Variants in GMPR observed in about 807,000 individuals in gnomAD.
GMPR encodes GMP reductase 1.
A neutral mutation model predicts 38.4 loss-of-function variants in GMPR; 31 were observed. The ratio of observed to expected loss-of-function variants is 0.81; its 90% confidence interval spans 0.61 to 1.09. The LOEUF is 1.09. GMPR is among the 50% of genes least tolerant of loss of function. The pLI is 0.00. For synonymous variants in GMPR, 162 were observed against 173.3 expected (o/e 0.93, Z 0.51); for missense variants, 468 against 453.7 (o/e 1.03, Z -0.29).
chr6:16,271,020 C>T (rs940671492), intron 4 of GMPR, among the ~76,000 whole-genome samples: 1 of 152,084 alleles, frequency 6.6e-6, no homozygotes, highest in Non-Finnish European at 1.5e-5. Flanking sequence ...GGCCCTATCT[C>T]TGCTTTAAAA....
chr6:16,288,319 G>A (rs1003410245), intron 7 of GMPR, among the ~76,000 whole-genome samples: 3 of 152,244 alleles, frequency 2.0e-5, no homozygotes, highest in Non-Finnish European at 4.4e-5. Context: ...GTTCCGGGTG[G>A]GTGTGGGCTT....
At chr6:16,285,254 A>AC (rs1318249641) in intron 6 of GMPR, among the ~76,000 whole-genome samples, 2 of 152,236 alleles carry the variant, frequency 1.3e-5, no homozygotes, top group Non-Finnish European at 2.9e-5. Context: ...GTAACTTTGT[A>AC]CCATACATGA....
intron 4 of GMPR, among the ~76,000 whole-genome samples, chr6:16,261,187 T>C (rs951399389): frequency 6.6e-6 from 1 of 151,974 alleles, no homozygotes; most frequent in African/African-American, 2.4e-5. Flanking sequence ...GCACTAACCA[T>C]GCCTAGGAAG....
At chr6:16,284,849 G>A (rs532328090) in intron 6 of GMPR, among the ~76,000 whole-genome samples, 5 of 151,810 alleles carry the variant, frequency 3.3e-5, no homozygotes, top group East Asian at 1.9e-4. Flanking sequence ...GCGAAATCCC[G>A]TCTCTACTAA....
At chr6:16,265,289 G>A (rs1009008471) in intron 4 of GMPR, among the ~76,000 whole-genome samples, 5 of 152,148 alleles carry the variant, frequency 3.3e-5, no homozygotes, top group Non-Finnish European at 7.4e-5. Flanking sequence ...TTGAGTAGAG[G>A]TAATAGCACC....
At chr6:16,261,461 A>T (rs542304532) in intron 4 of GMPR, among the ~76,000 whole-genome samples, 1 of 152,082 alleles carries the variant, frequency 6.6e-6, no homozygotes, top group South Asian at 2.1e-4. Context: ...AAGGAATAGT[A>T]AAGAAAGCAT....
At chr6:16,243,547 C>G (rs1758693595) in intron 1 of GMPR, among the ~76,000 whole-genome samples, 1 of 152,190 alleles carries the variant, frequency 6.6e-6, no homozygotes, top group Non-Finnish European at 1.5e-5. Context: ...GCCACTAGGA[C>G]TACAAAGTTG....
intron 2 of GMPR, among the ~76,000 whole-genome samples, chr6:16,249,249 C>T (rs761336694): frequency 4.0e-5 from 6 of 150,536 alleles, no homozygotes; most frequent in Non-Finnish European, 5.9e-5. Flanking sequence ...CTTGGCTCAC[C>T]GCAACCTCCA....
In GMPR at chr6:16,285,827, A is replaced by G; in HGVS notation, c.689A>G (p.Lys230Arg). ...TGTACGTGTCCAGGGGATGTCGCCA[A>G]AGCCTTTGGTAAGGCCGGGCCCTGG... is the stretch of plus-strand genomic sequence containing the variant. ...GGCTCPGDVAKAFGAGADFVM... is the reference protein window; with the variant it reads ...GGCTCPGDVARAFGAGADFVM... The change falls in exon 7 of 9, where the codon AAA becomes AGA. Residue 230 changes from lysine (K) to arginine (R), a missense_variant. Transcript: ENST00000259727. 1 of 1,612,286 alleles carries G rather than the reference A, an allele frequency of 6.2e-7. No individual in the cohort carries two copies. Among genetic ancestry groups the G allele is most frequent in the South Asian group, 1.1e-5 (1 of 90,676 alleles).
chr6:16,275,767 A>G (rs1759460836), intron 5 of GMPR, among the ~76,000 whole-genome samples: 1 of 152,202 alleles, frequency 6.6e-6, no homozygotes, highest in African/African-American at 2.4e-5. Flanking sequence ...CTGTTTAATC[A>G]GAAATATGGG....
chr6:16,288,159 TGAG>T (rs1246780974), intron 7 of GMPR, among the ~76,000 whole-genome samples: 1 of 152,226 alleles, frequency 6.6e-6, no homozygotes, highest in African/African-American at 2.4e-5. Context: ...TGGCAGCACT[TGAG>T]GAGCCCTTCA....
intron 3 of GMPR, among the ~76,000 whole-genome samples, chr6:16,252,239 C>G (rs567905628): frequency 6.6e-6 from 1 of 152,016 alleles, no homozygotes; most frequent in African/African-American, 2.4e-5. Flanking sequence ...TTGTCTTTTT[C>G]TCAGACCTCC....
At chr6:16,252,260 T>C (rs1158616739) in intron 3 of GMPR, among the ~76,000 whole-genome samples, 1 of 152,158 alleles carries the variant, frequency 6.6e-6, no homozygotes, top group African/African-American at 2.4e-5. Context: ...CTCTAACTTC[T>C]TTTATTTTTT....
At chr6:16,250,406 G>T in intron 3 of GMPR, 39 bp downstream of exon 3, 2 of 1,137,240 alleles carry the variant, frequency 1.8e-6, no homozygotes, top group Non-Finnish European at 2.7e-6. Flanking sequence ...CAGTGCTGCA[G>T]GGGGGAACAA....
chr6:16,249,306 G>A (rs1484950337), intron 2 of GMPR, among the ~76,000 whole-genome samples: 2 of 151,574 alleles, frequency 1.3e-5, no homozygotes, highest in African/African-American at 2.4e-5. Context: ...CTGAGTAGCT[G>A]GGATTACAGG....
At chr6:16,240,929 G>A (rs968153877) in intron 1 of GMPR, among the ~76,000 whole-genome samples, 4 of 151,996 alleles carry the variant, frequency 2.6e-5, no homozygotes, top group East Asian at 1.9e-4. Flanking sequence ...TCCCTGATGC[G>A]TGAGGCTGCT....
intron 4 of GMPR, among the ~76,000 whole-genome samples, chr6:16,258,719 C>A (rs1240378089): frequency 1.3e-5 from 2 of 152,170 alleles, no homozygotes; most frequent in African/African-American, 4.8e-5. Context: ...TTGGAAACCT[C>A]CAGTACTTTT....
intron 4 of GMPR, among the ~76,000 whole-genome samples, chr6:16,272,878 C>T (rs545308030): frequency 2.6e-5 from 4 of 152,034 alleles, no homozygotes; most frequent in South Asian, 2.1e-4. Flanking sequence ...TGCCCAAGCT[C>T]GTCTCAAACT....
At chr6:16,266,417 A>G (rs1226988594) in intron 4 of GMPR, among the ~76,000 whole-genome samples, 1 of 113,904 alleles carries the variant, frequency 8.8e-6, no homozygotes. Context: ...TGTAACACTC[A>G]CTGTGAAAAA....
Sources: gnomAD v4.1 joint callset for allele counts (sites outside exome capture counted in the v4.1 genomes callset) on GRCh38, gnomAD v4.1.1 for gene constraint, MANE v1.5 for transcripts, NCBI Gene and HGNC (gene_info 2026-07-23, HGNC 2026-07-21) for gene names.